The following RBFOX1 variants were observed in gnomAD, a reference collection of about 807,000 sequenced individuals.
The protein encoded by RBFOX1 is RNA binding protein fox-1 homolog 1.
RBFOX1 carries 8 observed loss-of-function variants against 57.7 expected under a neutral mutation model. That is an observed-to-expected ratio of 0.14 (90% confidence interval 0.08 to 0.25). The LOEUF (loss-of-function observed/expected upper bound fraction) is 0.25, where lower values mean the gene tolerates loss of function less well. RBFOX1 is among the 10% of genes least tolerant of loss of function. RBFOX1 has a pLI of 1.00. For synonymous variants in RBFOX1, 326 were observed against 222.4 expected (o/e 1.47, Z -4.15); for missense variants, 611 against 548.5 (o/e 1.11, Z -1.14).
Position 6,890,402 on chromosome 16 carries a change from C to G in RBFOX1, c.-15-161655C>G, listed in dbSNP as rs150453830. On this transcript the variant is annotated intron_variant, in intron 3 of 15. Transcript: ENST00000550418. ...GGCGTGGTGGTGGGCACCTGTAGTC[C>G]CAGCCACTTGGAAGGCTGAGGCTGG... Among the ~76,000 whole-genome samples the G allele has an allele frequency of 6.0e-3, 913 of 152,232 alleles. 14 individuals carry two copies. The highest frequency in any genetic ancestry group is 0.021 in the African/African-American group (864 of 41,550).
At chr16:6,778,658 A>C (rs1405351538) in intron 3 of RBFOX1, among the ~76,000 whole-genome samples, 1 of 152,106 alleles carries the variant, frequency 6.6e-6, no homozygotes, top group Non-Finnish European at 1.5e-5. Flanking sequence ...TAAAGAGTAA[A>C]GAACTTTCCA....
At chr16:6,788,899 C>A (rs1337459327) in intron 3 of RBFOX1, among the ~76,000 whole-genome samples, 1 of 152,150 alleles carries the variant, frequency 6.6e-6, no homozygotes, top group Non-Finnish European at 1.5e-5. Flanking sequence ...ACTCTCTGCT[C>A]TAAGAACTCA....
chr16:5,587,271 G>C (rs142004956), intron 2 of RBFOX1, among the ~76,000 whole-genome samples: 2 of 152,294 alleles, frequency 1.3e-5, no homozygotes, highest in East Asian at 3.9e-4. Flanking sequence ...TGGGCAAAGT[G>C]TCCGAATAGA....
At chr16:5,846,693 A>C (rs1002325078) in intron 3 of RBFOX1, among the ~76,000 whole-genome samples, 18 of 152,156 alleles carry the variant, frequency 1.2e-4, no homozygotes, top group African/African-American at 3.6e-4. Flanking sequence ...GCTGGTTCTT[A>C]TTATTTTAAG....
At chr16:6,502,472 A>G (rs2153183865) in intron 2 of RBFOX1, among the ~76,000 whole-genome samples, 1 of 152,338 alleles carries the variant, frequency 6.6e-6, no homozygotes, top group South Asian at 2.1e-4. Flanking sequence ...CATCTGTAAA[A>G]TAGGATGGCA....
intron 3 of RBFOX1, among the ~76,000 whole-genome samples, chr16:5,831,167 C>T (rs754692102): frequency 6.6e-6 from 1 of 152,130 alleles, no homozygotes; most frequent in African/African-American, 2.4e-5. Flanking sequence ...GTAATTCCCA[C>T]CAATTCCAGT....
At chr16:6,714,452 C>A (rs1034721420) in intron 3 of RBFOX1, among the ~76,000 whole-genome samples, 1 of 152,042 alleles carries the variant, frequency 6.6e-6, no homozygotes, top group Non-Finnish European at 1.5e-5. Context: ...AAGCTTTATC[C>A]CACTACGGGA....
intron 3 of RBFOX1, among the ~76,000 whole-genome samples, chr16:7,038,647 A>T (rs35493709): frequency 0.09 from 13,627 of 152,088 alleles, 996 homozygotes; most frequent in East Asian, 0.32. Flanking sequence ...GACCAGCATC[A>T]AGCCTGAAGT....
In RBFOX1 at chr16:6,021,099, C is replaced by G. The variant is rs1596442108; in HGVS notation, c.-127+1107C>G. Among the ~76,000 whole-genome samples, 6 of 152,318 alleles carry G rather than the reference C, an allele frequency of 3.9e-5. No individual in the cohort carries two copies. The South Asian group carries it at 1.0e-3, about 26-fold the overall frequency. On this transcript the variant is annotated intron_variant, in intron 1 of 15. Coordinates refer to ENST00000550418, the MANE Select transcript of RBFOX1 (RefSeq NM_018723.4). ...GGCAATTGGCACCCCAAAGGCGGAT[C>G]TTTTCAGTTGAACTTGAAAAGAAGT...
intron 2 of RBFOX1, among the ~76,000 whole-genome samples, chr16:5,473,547 A>G (rs2069212022): frequency 2.6e-5 from 4 of 151,672 alleles, no homozygotes; most frequent in African/African-American, 4.8e-5. Context: ...GGGTAGGTGG[A>G]TGGATGGATG....
chr16:5,368,180 G>C (rs986389504), intron 1 of RBFOX1, among the ~76,000 whole-genome samples: 2 of 152,186 alleles, frequency 1.3e-5, no homozygotes, highest in South Asian at 2.1e-4. Context: ...TGATGTCAAC[G>C]CATAATATTT....
chr16:7,568,881 TCA>T (rs1491580304), intron 5 of RBFOX1, among the ~76,000 whole-genome samples: 4 of 30,656 alleles, frequency 1.3e-4, no homozygotes, highest in East Asian at 6.8e-4. Context: ...AGACTCTGTC[TCA>T]AAAAAAAAAA....
intron 9 of RBFOX1, among the ~76,000 whole-genome samples, chr16:7,604,969 G>C (rs975539781): frequency 1.3e-5 from 2 of 152,144 alleles, no homozygotes; most frequent in Non-Finnish European, 2.9e-5. Context: ...GAAAGATGAA[G>C]AGTGATCACT....
chr16:7,113,317 C>A (rs988715992), intron 4 of RBFOX1, among the ~76,000 whole-genome samples: 3 of 151,948 alleles, frequency 2.0e-5, no homozygotes, highest in Non-Finnish European at 4.4e-5. Flanking sequence ...TTTTTTTGGA[C>A]TTTGAGGACT....
At chr16:7,311,848 A>G (rs137984214) in intron 4 of RBFOX1, among the ~76,000 whole-genome samples, 1 of 152,226 alleles carries the variant, frequency 6.6e-6, no homozygotes, top group African/African-American at 2.4e-5. Flanking sequence ...AGTTATATGT[A>G]GGACAGAAGT....
chr16:6,769,190 A>G (rs1315981436), intron 3 of RBFOX1, among the ~76,000 whole-genome samples: 2 of 152,120 alleles, frequency 1.3e-5, no homozygotes, highest in African/African-American at 4.8e-5. Flanking sequence ...CATAAGCCTC[A>G]TGAGATCCGA....
chr16:5,621,415 C>G (rs1596484163), intron 3 of RBFOX1, among the ~76,000 whole-genome samples: 2 of 152,270 alleles, frequency 1.3e-5, no homozygotes, highest in East Asian at 1.9e-4. Context: ...GTCAAAAGTG[C>G]TTTGCATGTT....
chr16:7,125,247 TG>T (rs1567354406), intron 4 of RBFOX1, among the ~76,000 whole-genome samples: 2 of 152,114 alleles, frequency 1.3e-5, no homozygotes, highest in Non-Finnish European at 2.9e-5. Context: ...GATAGAACTT[TG>T]GGGTTGTCGT....
intron 4 of RBFOX1, among the ~76,000 whole-genome samples, chr16:5,892,831 C>T (rs970480923): frequency 7.9e-5 from 12 of 152,090 alleles, no homozygotes; most frequent in African/African-American, 1.7e-4. Flanking sequence ...GTGCAGAGTG[C>T]GCTGGAGCTG....
Sources: gnomAD v4.1 joint callset for allele counts (sites outside exome capture counted in the v4.1 genomes callset) on GRCh38, gnomAD v4.1.1 for gene constraint, MANE v1.5 for transcripts, NCBI Gene and HGNC (gene_info 2026-07-23, HGNC 2026-07-21) for gene names.